KANK1: variants seen among roughly 807,000 people sequenced by gnomAD.
KANK1 encodes KN motif and ankyrin repeat domain-containing protein 1.
In KANK1, 109 loss-of-function variants were observed where a neutral mutation model predicts 106.2. The observed-to-expected ratio is 1.03, with a 90% CI of 0.88 to 1.20. The LOEUF (loss-of-function observed/expected upper bound fraction) is 1.20. Ranked by LOEUF, KANK1 falls within the 50% of genes most tolerant of loss-of-function variation. KANK1 has a pLI of 0.00. For missense variants in KANK1, 2,399 were observed against 1,710.7 expected (o/e 1.40, Z -7.10); for synonymous variants, 873 against 652.2 (o/e 1.34, Z -5.16).
chr9:671,399 C>T (rs1222515982), intron 1 of KANK1, among the ~76,000 whole-genome samples: 1 of 151,446 alleles, frequency 6.6e-6, no homozygotes, highest in Admixed American at 6.6e-5. Context: ...TAATCCCAGC[C>T]CTTTGGGAGG....
Position 693,792 on chromosome 9 carries a change from T to A in KANK1, c.37+16783T>A, listed in dbSNP as rs1466494068. 30 of 985,198 alleles carry A rather than the reference T, an allele frequency of 3.0e-5. 1 individual carries two copies. Among genetic ancestry groups the A allele is most frequent in the South Asian group, 9.4e-5 (2 of 21,284 alleles). 61.0% of individuals were successfully genotyped at this position (985,198 alleles called of 1,614,324 possible). A position where few individuals can be genotyped will look rare whatever the true frequency, so the allele number is the denominator to read the frequency against. On this transcript the variant is annotated intron_variant, in intron 2 of 11. Coordinates refer to ENST00000382297, the MANE Select transcript of KANK1 (RefSeq NM_015158.5). ...GTTATTTTGTTTCTGGGTGGGTAAGTAAGAATGCCCACAAAAGAAAGAGAG... is the reference window on the plus strand; with the variant it reads ...GTTATTTTGTTTCTGGGTGGGTAAGAAAGAATGCCCACAAAAGAAAGAGAG...
intron 1 of KANK1, among the ~76,000 whole-genome samples, chr9:586,823 G>A (rs1254876814): frequency 6.6e-6 from 1 of 152,150 alleles, no homozygotes; most frequent in Non-Finnish European, 1.5e-5. Flanking sequence ...GGGACTCTTT[G>A]CATGATATCT....
chr9:488,972 T>A (rs1354990234), intron 3 of KANK1: 1 of 151,960 alleles, frequency 6.6e-6, no homozygotes, highest in Non-Finnish European at 1.5e-5. Context: ...TGATCTGGAG[T>A]CATCATGGCA....
rs142286332 is a variant in KANK1 at position 522,061 on chromosome 9, G to C, written c.-84+17307G>C. On this transcript the variant is annotated intron_variant, in intron 1 of 11. Transcript: ENST00000382297. ...ATTAGAAAATGTTGGCACATTTCTT[G>C]GGAAAATGTTTGATTTGTTGAATAA... Among the ~76,000 whole-genome samples the C allele has an allele frequency of 2.3e-3, 348 of 151,710 alleles. 15 individuals carry two copies. Among genetic ancestry groups the C allele is most frequent in the African/African-American group, 8.3e-3 (339 of 41,078 alleles).
intron 1 of KANK1, among the ~76,000 whole-genome samples, chr9:518,394 C>T (rs1009361328): frequency 1.3e-5 from 2 of 149,878 alleles, no homozygotes; most frequent in Non-Finnish European, 3.0e-5. Flanking sequence ...TCCTTGACCC[C>T]CAGTGGCCCA....
intron 1 of KANK1, chr9:559,050 G>C (rs966280939): frequency 6.6e-6 from 1 of 152,154 alleles, no homozygotes; most frequent in African/African-American, 2.4e-5. Context: ...TGAATAATAA[G>C]GATGTACTGT....
At chr9:680,786 C>G (rs1405400653) in intron 2 of KANK1, 1 of 152,188 alleles carries the variant, frequency 6.6e-6, no homozygotes, top group African/African-American at 2.4e-5. Context: ...ACCTGTGTAC[C>G]CCTTGCAGAT....
At chr9:471,159 A>G (rs567792753) in intron 2 of KANK1, among the ~76,000 whole-genome samples, 2 of 152,322 alleles carry the variant, frequency 1.3e-5, no homozygotes, top group African/African-American at 2.4e-5. Flanking sequence ...CTGATCATCA[A>G]TTATATCATC....
chr9:725,685 A>G (rs1830471836), intron 3 of KANK1, among the ~76,000 whole-genome samples: 1 of 152,140 alleles, frequency 6.6e-6, no homozygotes, highest in Non-Finnish European at 1.5e-5. Context: ...GAACTGCAGA[A>G]TGATCTCCTG....
chr9:742,939 G>C (rs925173924), intron 10 of KANK1, among the ~76,000 whole-genome samples: 175 of 152,274 alleles, frequency 1.1e-3, no homozygotes, highest in African/African-American at 4.0e-3. Flanking sequence ...TCCCATTTCT[G>C]CTTAGTCTGT....
intron 1 of KANK1, among the ~76,000 whole-genome samples, chr9:664,246 C>T (rs566100564): frequency 4.6e-5 from 7 of 152,186 alleles, no homozygotes; most frequent in East Asian, 3.9e-4. Flanking sequence ...TCCCAGCCTC[C>T]GGTAACCACT....
chr9:481,122 T>G (rs2058196321), intron 3 of KANK1, among the ~76,000 whole-genome samples: 1 of 152,142 alleles, frequency 6.6e-6, no homozygotes, highest in African/African-American at 2.4e-5. Flanking sequence ...GTGTAGAATA[T>G]CTCATGTAAT....
intron 1 of KANK1, among the ~76,000 whole-genome samples, chr9:518,742 G>T (rs2059411284): frequency 6.6e-6 from 1 of 151,448 alleles, no homozygotes; most frequent in South Asian, 2.1e-4. Context: ...AGCGGAGAAA[G>T]GGCGGTGACC....
intron 1 of KANK1, among the ~76,000 whole-genome samples, chr9:579,476 C>A (rs1821463142): frequency 6.6e-6 from 1 of 152,198 alleles, no homozygotes; most frequent in Non-Finnish European, 1.5e-5. Flanking sequence ...TCCATCCTCA[C>A]CTTTCTGCAC....
At chr9:505,647 GTGA>G (rs2058719878) in intron 1 of KANK1, among the ~76,000 whole-genome samples, 1 of 152,244 alleles carries the variant, frequency 6.6e-6, no homozygotes, top group Admixed American at 6.5e-5. Context: ...GCGTGACCTA[GTGA>G]AGGCCTTGGG....
chr9:588,797 G>A lies in KANK1; in HGVS notation c.-84+84043G>A, dbSNP rs757740004. 1.1e-4 allele frequency among the ~76,000 whole-genome samples: 17 copies of A among 152,086 alleles called. 1 individual carries two copies. Among genetic ancestry groups the A allele is most frequent in the Middle Eastern group, 3.4e-3 (1 of 294 alleles). ...GACTGTGCTGTGCCTCAATTTCCCC[G>A]TAAGTAAAATGAAAATAGTAATAAA... On this transcript the variant is annotated intron_variant, in intron 1 of 11. Coordinates refer to ENST00000382297, the MANE Select transcript of KANK1 (RefSeq NM_015158.5).
intron 1 of KANK1, among the ~76,000 whole-genome samples, chr9:612,465 T>A (rs766062859): frequency 3.9e-5 from 6 of 152,182 alleles, no homozygotes; most frequent in Non-Finnish European, 8.8e-5. Context: ...TATCGGTGTT[T>A]TTTTGAAGAC....
At chr9:705,781 G>A (rs748583639) in intron 2 of KANK1, among the ~76,000 whole-genome samples, 1 of 151,698 alleles carries the variant, frequency 6.6e-6, no homozygotes, top group African/African-American at 2.4e-5. Context: ...TATATTTTTA[G>A]TGGAGATGGG....
chr9:631,711 C>T (rs1463017613), intron 1 of KANK1, among the ~76,000 whole-genome samples: 1 of 152,202 alleles, frequency 6.6e-6, no homozygotes, highest in Non-Finnish European at 1.5e-5. Flanking sequence ...CATGCAAAAC[C>T]TGTAGTCATC....
Sources: gnomAD v4.1 joint callset for allele counts (sites outside exome capture counted in the v4.1 genomes callset) on GRCh38, gnomAD v4.1.1 for gene constraint, MANE v1.5 for transcripts, NCBI Gene and HGNC (gene_info 2026-07-23, HGNC 2026-07-21) for gene names.